JAK2: variants seen among roughly 807,000 people sequenced by gnomAD.
The protein encoded by JAK2 is Janus kinase 2.
JAK2 carries 86 observed loss-of-function variants against 139.3 expected under a neutral mutation model. The observed-to-expected ratio is 0.62, with a 90% CI of 0.52 to 0.74. JAK2 has a LOEUF of 0.74. Ranked by LOEUF, JAK2 falls within the 30% of genes least tolerant of loss-of-function variation. The pLI is 0.00. For missense variants in JAK2, 1,421 were observed against 1,360.3 expected (o/e 1.04, Z -0.70); for synonymous variants, 490 against 437.7 (o/e 1.12, Z -1.49).
rs936714126 is a variant in JAK2, at chr9:5,127,804, A to G, written c.*1013A>G. ...TGCAGCAGGTTAAGAATTTTTTCCT[A>G]AAGACTGTATATTTGAGGGGTTTCA... On this transcript the variant is annotated 3_prime_UTR_variant, in exon 25 of 25. Coordinates refer to ENST00000381652, the MANE Select transcript of JAK2 (RefSeq NM_004972.4). 1.3e-5 allele frequency: 3 copies of G among 232,538 alleles called. No individual in the cohort carries two copies. Among genetic ancestry groups the G allele is most frequent in the African/African-American group, 4.4e-5 (2 of 45,270 alleles). 14.4% of individuals were successfully genotyped at this position (232,538 alleles called of 1,614,324 possible).
chr9:5,082,506 C>T (rs1819776213), intron 19 of JAK2, among the ~76,000 whole-genome samples: 1 of 152,244 alleles, frequency 6.6e-6, no homozygotes, highest in Non-Finnish European at 1.5e-5. Flanking sequence ...GGGTTTTATA[C>T]CGAGGCATTC....
At chr9:5,124,479 T>G (rs957510055) in intron 23 of JAK2, among the ~76,000 whole-genome samples, 2 of 151,760 alleles carry the variant, frequency 1.3e-5, no homozygotes, top group Admixed American at 1.3e-4. Context: ...TTTCCCATAC[T>G]GCGCAAAGCA....
intron 2 of JAK2, among the ~76,000 whole-genome samples, chr9:5,008,044 C>T (rs1361457432): frequency 2.0e-5 from 3 of 152,056 alleles, no homozygotes; most frequent in Non-Finnish European, 4.4e-5. Flanking sequence ...AATGAGAATT[C>T]TTATCAAACT....
chr9:5,123,024 C>G lies in JAK2; in HGVS notation c.3080C>G (p.Thr1027Arg), dbSNP rs767187880. The stretch of plus-strand genomic sequence containing the variant: ...TACAGGTATGCTCCAGAATCACTGA[C>G]AGAGAGCAAGTTTTCTGTGGCCTCA... ...PIFWYAPESL[T>R]ESKFSVASDV... is the part of the protein sequence containing the mutation. Residue 1027 changes from threonine to arginine, a missense_variant, in exon 23 of 25, where the codon ACA becomes AGA. Coordinates refer to ENST00000381652, the MANE Select transcript of JAK2 (RefSeq NM_004972.4). 7.5e-6 allele frequency: 12 copies of G among 1,610,472 alleles called. No individual in the cohort carries two copies. The highest frequency in any genetic ancestry group is 1.7e-5 in the Admixed American group (1 of 59,668).
chr9:5,085,342 A>G (rs1820002679), intron 19 of JAK2: 3 of 887,224 alleles, frequency 3.4e-6, no homozygotes, highest in South Asian at 2.6e-5. Context: ...AGCTATTCCT[A>G]CATTTTTTCC....
At chr9:5,050,183 G>A (rs1010464907) in intron 5 of JAK2, among the ~76,000 whole-genome samples, 2 of 152,208 alleles carry the variant, frequency 1.3e-5, no homozygotes, top group African/African-American at 2.4e-5. Flanking sequence ...GATGTTATAT[G>A]TACTCTGTAA....
In JAK2 at chr9:5,043,270, G is replaced by C. The variant is rs114809184; in HGVS notation, c.351-1133G>C. ...CCAAGTGTACGGAAATGGCGTTTAC[G>C]TTTCTCTGATGCTCTTTTGAAGCCA... On this transcript the variant is annotated intron_variant, in intron 4 of 24. Transcript: ENST00000381652. Among the ~76,000 whole-genome samples, 1,000 of 151,946 alleles carry C rather than the reference G, an allele frequency of 6.6e-3. 11 individuals carry two copies. Among genetic ancestry groups the C allele is most frequent in the African/African-American group, 0.023 (969 of 41,406 alleles).
At chr9:5,113,065 G>A (rs1440748916) in intron 22 of JAK2, among the ~76,000 whole-genome samples, 1 of 152,010 alleles carries the variant, frequency 6.6e-6, no homozygotes, top group Non-Finnish European at 1.5e-5. Flanking sequence ...AGCTCCCTGG[G>A]ACCCCGGCTC....
rs538463021 is a variant in JAK2, at chr9:5,111,841, G to A, written c.3060-11163G>A. On this transcript the variant is annotated intron_variant, in intron 22 of 24. Coordinates refer to ENST00000381652, the MANE Select transcript of JAK2 (RefSeq NM_004972.4). ...CGTCTCCAGCCACACGCCTGTCGGC[G>A]GGGCCGACAACCTCCTGGGCTCCCG... The A allele has an allele frequency of 2.4e-3, 959 of 403,710 alleles. 2 individuals carry two copies. Among genetic ancestry groups the A allele is most frequent in the Non-Finnish European group, 3.1e-3 (636 of 206,166 alleles). The allele number at this position is 403,710 out of a possible 1,614,324, so 25.0% of individuals were successfully genotyped here.
At chr9:4,988,719 T>C (rs1820095923) in intron 2 of JAK2, among the ~76,000 whole-genome samples, 1 of 152,244 alleles carries the variant, frequency 6.6e-6, no homozygotes, top group Admixed American at 6.5e-5. Flanking sequence ...CTTGTTGTAC[T>C]AGTCACTTCC....
chr9:5,117,018 A>G (rs1471066406), intron 22 of JAK2, among the ~76,000 whole-genome samples: 1 of 152,232 alleles, frequency 6.6e-6, no homozygotes, highest in African/African-American at 2.4e-5. Context: ...AGGCCCTTAT[A>G]AGAGGCTTCA....
chr9:4,998,537 G>A (rs529881309), intron 2 of JAK2, among the ~76,000 whole-genome samples: 1 of 152,242 alleles, frequency 6.6e-6, no homozygotes, highest in Non-Finnish European at 1.5e-5. Context: ...TTACAGGCAT[G>A]AGCCACCATG....
chr9:5,070,808 G>T (rs1006069105), intron 12 of JAK2, among the ~76,000 whole-genome samples: 7 of 152,060 alleles, frequency 4.6e-5, no homozygotes, highest in Non-Finnish European at 8.8e-5. Context: ...TAATCTGGCA[G>T]TCAGGTGGTG....
intron 3 of JAK2, among the ~76,000 whole-genome samples, chr9:5,026,729 G>A (rs1041301801): frequency 5.9e-5 from 9 of 152,152 alleles, no homozygotes; most frequent in East Asian, 1.9e-4. Flanking sequence ...ACGTGTATGC[G>A]TATGTGTGAA....
In JAK2 at chr9:5,126,452, A is replaced by C. The variant is rs180815947; in HGVS notation, c.3291+6A>C. On this transcript the variant is annotated splice_donor_region_variant and intron_variant, in intron 24 of 24. Transcript: ENST00000381652. ...CAGATGGATGCCCAGATGAGGTAAC[A>C]ATTTTTTTTTAATCCAGGGTAGTCA... is the stretch of plus-strand genomic sequence containing the variant. 601 of 1,576,620 alleles carry C rather than the reference A, an allele frequency of 3.8e-4. 1 individual carries two copies. The highest frequency in any genetic ancestry group is 5.7e-4 in the Admixed American group (33 of 57,602).
intron 23 of JAK2, among the ~76,000 whole-genome samples, chr9:5,125,448 T>C (rs1823917687): frequency 1.3e-5 from 2 of 151,474 alleles, no homozygotes; most frequent in African/African-American, 4.8e-5. Flanking sequence ...CTTCAGTCTT[T>C]TAAGTAACAC....
intron 3 of JAK2, among the ~76,000 whole-genome samples, chr9:5,023,616 C>A (rs1822581537): frequency 6.6e-6 from 1 of 152,226 alleles, no homozygotes; most frequent in South Asian, 2.1e-4. Flanking sequence ...CTTAACCTTT[C>A]CCTGTGTGGA....
intron 19 of JAK2, chr9:5,085,434 C>T (rs1444444743): frequency 1.7e-5 from 13 of 745,288 alleles, no homozygotes; most frequent in South Asian, 5.4e-5. Flanking sequence ...CTATCAGGCT[C>T]GCAGTATTCT....
rs754187074 is a variant in JAK2, at chr9:5,090,511, A to G, written c.2827A>G (p.Lys943Glu). The G allele has an allele frequency of 6.3e-7, 1 of 1,594,252 alleles. No homozygotes were observed. The highest frequency in any genetic ancestry group is 8.5e-7 in the Non-Finnish European group (1 of 1,169,906). ...PYGSLRDYLQ[K>E]HKERIDHIKL... ...TGGAAGTTTACGAGACTATCTTCAA[A>G]AACATAAAGAACGGATAGATCACAT... The change falls in exon 21 of 25, where the codon AAA (lysine) becomes GAA (glutamate). Residue 943 changes from lysine to glutamate, a missense_variant. Transcript: ENST00000381652.
Sources: allele counts gnomAD v4.1 joint callset (sites outside exome capture counted in the v4.1 genomes callset), GRCh38; gene constraint gnomAD v4.1.1; transcripts MANE v1.5; gene names NCBI Gene and HGNC (gene_info 2026-07-23, HGNC 2026-07-21).